ZNF395: variants seen among roughly 807,000 people sequenced by gnomAD.
ZNF395 encodes the protein HD gene regulatory region-binding protein 2.
ZNF395 carries 20 observed loss-of-function variants against 57.7 expected under a neutral mutation model. The ratio of observed to expected loss-of-function variants is 0.35; its 90% CI spans 0.24 to 0.50. ZNF395 has a LOEUF of 0.50. Ranked by LOEUF, ZNF395 falls within the 20% of genes least tolerant of loss-of-function variation. ZNF395 has a pLI of 0.97. For synonymous variants in ZNF395, 295 were observed against 275.9 expected, an observed-to-expected ratio of 1.07 and a Z score of -0.69; for missense variants, 606 against 671.2, an observed-to-expected ratio of 0.90 and a Z score of 1.07.
chr8:28,356,799 T>G lies in ZNF395; in HGVS notation c.474-20A>C. ...GACTTCCTGGATTCACACGGATGAG[T>G]GGGAAATGTTACTTCCTGGCATGGC... On this transcript the variant is annotated intron_variant, in intron 3 of 9. Coordinates refer to ENST00000344423, the MANE Select transcript of ZNF395 (RefSeq NM_018660.3). This position sits in a 1 kb window ranked among gnomAD's most constrained non-coding sequence, Gnocchi z 4.0. 1 of 1,602,454 alleles carries G rather than the reference T, an allele frequency of 6.2e-7. No homozygotes were observed. The highest frequency in any genetic ancestry group is 8.5e-7 in the Non-Finnish European group (1 of 1,171,256).
At chr8:28,351,358 T>C (rs1446403803) in intron 7 of ZNF395, 137 bp downstream of exon 7, 1 of 940,428 alleles carries the variant, frequency 1.1e-6, no homozygotes, top group East Asian at 2.5e-5. Context: ...TCGGTTTCCT[T>C]TTGTTTCCTT....
chr8:28,367,506 A>C (rs1273680798), intron 1 of ZNF395, among the ~76,000 whole-genome samples: 1 of 152,246 alleles, frequency 6.6e-6, no homozygotes, highest in Non-Finnish European at 1.5e-5. Flanking sequence ...ACTGCACAAC[A>C]GTCATTCAAT....
At position 28,351,758 on chromosome 8, in the gene ZNF395, T is replaced by C. The variant is rs1378397470; in HGVS notation, c.970A>G (p.Thr324Ala). 1 of 1,596,690 alleles carries C rather than the reference T, an allele frequency of 6.3e-7. No homozygotes were observed. The highest frequency in any genetic ancestry group is 8.5e-7 in the Non-Finnish European group (1 of 1,176,434). ...QFKREEDFYYTEVQLKEESAA... is the reference protein window; with the variant it reads ...QFKREEDFYYAEVQLKEESAA... ...GATTCCTCCTTCAGCTGCACCTCTG[T>C]GTAGTAGAAATCCTCCTCCCGCTTG... The change falls in exon 7 of 10, where the codon ACA becomes GCA. Residue 324 changes from threonine (T) to alanine (A), a missense_variant. Physicochemically the swap from Thr to Ala is moderately conservative, Grantham distance 58. This residue lies in a region of ZNF395 where 261 missense variants were observed against 240.3 expected (regional missense o/e 1.09). Coordinates refer to ENST00000344423, the MANE Select transcript of ZNF395 (RefSeq NM_018660.3).
In ZNF395 at chr8:28,350,512, TA is replaced by T. The variant is rs919404972; in HGVS notation, c.1234-357del. Among the ~76,000 whole-genome samples, 71 of 152,332 alleles carry T rather than the reference TA, an allele frequency of 4.7e-4. 2 individuals carry two copies. Among genetic ancestry groups the T allele is most frequent in the African/African-American group, 1.7e-3 (69 of 41,578 alleles). ...AAAGAGGCCCCAAGCCTTCTGCGTCTAGGGGGCATGGCTGGGATAAGATATG... is the reference window on the plus strand; with the variant it reads ...AAAGAGGCCCCAAGCCTTCTGCGTCTGGGGGCATGGCTGGGATAAGATATG... On this transcript the variant is annotated intron_variant, in intron 7 of 9. Transcript: ENST00000344423.
Position 28,360,765 on chromosome 8 carries a change from G to T in ZNF395, c.240+120C>A, listed in dbSNP as rs73570790. The T allele has an allele frequency of 0.024, 33,875 of 1,416,568 alleles. 5,090 individuals carry two copies. In the African/African-American group the frequency reaches 0.37, roughly 16 times the overall value. 87.7% of individuals were successfully genotyped at this position (1,416,568 alleles called of 1,614,324 possible). The stretch of plus-strand genomic sequence containing the variant: ...GCTGCCCAGGTGCCCTGTGGCTGGA[G>T]GGCAAAGGTCTGCACTCAAAACGGT... On this transcript the variant is annotated intron_variant, in intron 2 of 9. Coordinates refer to ENST00000344423, the MANE Select transcript of ZNF395 (RefSeq NM_018660.3).
intron 1 of ZNF395, among the ~76,000 whole-genome samples, chr8:28,365,168 C>T (rs1801896252): frequency 6.6e-6 from 1 of 152,208 alleles, no homozygotes; most frequent in African/African-American, 2.4e-5. Context: ...ACACTCATGA[C>T]ATTTACAGAT....
chr8:28,360,037 G>A (rs977565529), intron 2 of ZNF395, among the ~76,000 whole-genome samples: 1 of 152,178 alleles, frequency 6.6e-6, no homozygotes, highest in Non-Finnish European at 1.5e-5. Context: ...ATCCTTATCA[G>A]CTCTCTAGAC....
chr8:28,367,854 C>T (rs1282792750), intron 1 of ZNF395, among the ~76,000 whole-genome samples: 1 of 152,200 alleles, frequency 6.6e-6, no homozygotes, highest in East Asian at 1.9e-4. Flanking sequence ...AGAAAGAATA[C>T]CTGCTGCTGG....
In ZNF395 at chr8:28,345,921, A is replaced by T. The variant is rs1418163305; in HGVS notation, c.*2798T>A. 6.6e-6 allele frequency: 1 copy of T among 152,262 alleles called. No homozygotes were observed. Among genetic ancestry groups the T allele is most frequent in the Non-Finnish European group, 1.5e-5 (1 of 68,034 alleles). The allele number at this position is 152,262 out of a possible 1,614,324, so 9.4% of individuals were successfully genotyped here. A position where few individuals can be genotyped will look rare whatever the true frequency, so the allele number is the denominator to read the frequency against. On this transcript the variant is annotated 3_prime_UTR_variant, in exon 10 of 10. Coordinates refer to ENST00000344423, the MANE Select transcript of ZNF395 (RefSeq NM_018660.3). ...CAATGACAACGTGGCCATGGCTCAA[A>T]ACACTCTCTGAAATTACAAAATTGC... is the stretch of plus-strand genomic sequence containing the variant.
chr8:28,374,436 C>T (rs545474494), intron 1 of ZNF395, among the ~76,000 whole-genome samples: 2 of 151,978 alleles, frequency 1.3e-5, no homozygotes, highest in Non-Finnish European at 2.9e-5. Context: ...AGAATGTGTT[C>T]GTGTACTAAC....
intron 1 of ZNF395, among the ~76,000 whole-genome samples, chr8:28,379,061 G>A (rs914559493): frequency 1.3e-5 from 2 of 152,196 alleles, no homozygotes; most frequent in African/African-American, 2.4e-5. Flanking sequence ...TAAAGTGACT[G>A]TTTCATCTAT....
chr8:28,383,258 G>A (rs1802131626), intron 1 of ZNF395, among the ~76,000 whole-genome samples: 1 of 152,126 alleles, frequency 6.6e-6, no homozygotes, highest in South Asian at 2.1e-4. Context: ...TGCAAGTTGA[G>A]GCTTGGGGAA....
chr8:28,352,473 C>T lies in ZNF395; in HGVS notation c.920+100G>A, dbSNP rs1275898110. ...ACCAGGGGGTGTTCCCAGCAAGCCA[C>T]GTTCCTGAAAGCACTGTGGGCTGTG... On this transcript the variant is annotated intron_variant, in intron 6 of 9. Transcript: ENST00000344423. The surrounding 1 kb of genome is among the most constrained non-coding windows in gnomAD (Gnocchi z 4.0). 5.9e-6 allele frequency: 6 copies of T among 1,017,706 alleles called. No individual in the cohort carries two copies. The highest frequency in any genetic ancestry group is 4.8e-5 in the African/African-American group (3 of 63,070). The allele number at this position is 1,017,706 out of a possible 1,614,324, so 63.0% of individuals were successfully genotyped here.
At chr8:28,379,876 A>C (rs1451559980) in intron 1 of ZNF395, among the ~76,000 whole-genome samples, 9 of 150,814 alleles carry the variant, frequency 6.0e-5, no homozygotes, top group African/African-American at 2.2e-4. Context: ...GCCTCAACCC[A>C]ACCAGAAGCA....
At position 28,353,322 on chromosome 8, in the gene ZNF395, T is replaced by C; in HGVS notation, c.670A>G (p.Ser224Gly). The C allele has an allele frequency of 6.2e-7, 1 of 1,607,178 alleles. No homozygotes were observed. Among genetic ancestry groups the C allele is most frequent in the Non-Finnish European group, 8.5e-7 (1 of 1,177,066 alleles). ...GGCGAGGGGGTGGAGACACCACTGC[T>C]CCCACTCCAGTGACCGCTGGTAGTG... ...SSTTSGHWSG[S>G]SGVSTPSPPH... is the part of the protein sequence containing the mutation. The change falls in exon 5 of 10, where the codon AGC becomes GGC. Residue 224 changes from serine to glycine, a missense_variant. Coordinates refer to ENST00000344423, the MANE Select transcript of ZNF395 (RefSeq NM_018660.3).
chr8:28,375,910 G>T (rs568649025), intron 1 of ZNF395, among the ~76,000 whole-genome samples: 131 of 152,176 alleles, frequency 8.6e-4, no homozygotes, highest in Non-Finnish European at 1.5e-3. Context: ...GAATGCGGGT[G>T]TTTTTACTAA....
rs1161868724 is a variant in ZNF395, at chr8:28,345,640, T to A, written c.*3079A>T. On this transcript the variant is annotated 3_prime_UTR_variant, in exon 10 of 10. Transcript: ENST00000344423. ...TATAAAATATATTTCATATTGTTGC[T>A]GTAAAAACATTACATTTCACATTTT... 1.3e-5 allele frequency: 2 copies of A among 152,596 alleles called. No homozygotes were observed. Among genetic ancestry groups the A allele is most frequent in the East Asian group, 3.8e-4 (2 of 5,204 alleles). The allele number at this position is 152,596 out of a possible 1,614,324, so 9.5% of individuals were successfully genotyped here.
chr8:28,353,588 G>A (rs1399282462), intron 4 of ZNF395, among the ~76,000 whole-genome samples, 180 bp from the exon 5 acceptor site: 1 of 152,170 alleles, frequency 6.6e-6, no homozygotes, highest in Non-Finnish European at 1.5e-5. Context: ...CTGACCAACA[G>A]ATACACACTG....
At position 28,352,762 on chromosome 8, in the gene ZNF395, G is replaced by A. The variant is rs1056214322; in HGVS notation, c.820-89C>T. On this transcript the variant is annotated intron_variant, in intron 5 of 9. Transcript: ENST00000344423. This position sits in a 1 kb window ranked among gnomAD's most constrained non-coding sequence, Gnocchi z 4.0. The stretch of plus-strand genomic sequence containing the variant: ...CCAGTGGGGACTCAAACTGGCTGCT[G>A]TCCCCGGCCTGACCCAACAAAAACC... The A allele has an allele frequency of 2.0e-5, 24 of 1,176,892 alleles. No individual in the cohort carries two copies. Among genetic ancestry groups the A allele is most frequent in the Admixed American group, 1.9e-5 (1 of 53,206 alleles). The allele number at this position is 1,176,892 out of a possible 1,614,324, so 72.9% of individuals were successfully genotyped here.
Sources: allele counts gnomAD v4.1 joint callset (sites outside exome capture counted in the v4.1 genomes callset), GRCh38; gene constraint gnomAD v4.1.1; regional missense constraint gnomAD v4.1.1; non-coding constraint Gnocchi (gnomAD v3.1); transcripts MANE v1.5; gene names NCBI Gene and HGNC (gene_info 2026-07-23, HGNC 2026-07-21).